The following CMBL variants were observed in gnomAD, a reference collection of about 807,000 sequenced individuals.
CMBL encodes the protein carboxymethylenebutenolidase homolog (Pseudomonas).
Under a neutral mutation model 28.7 loss-of-function variants are expected in CMBL, and 17 were observed. The observed-to-expected ratio is 0.59, with a 90% CI of 0.41 to 0.89. The LOEUF is 0.89. Ranked by LOEUF, CMBL falls within the 40% of genes least tolerant of loss-of-function variation. The pLI, the probability that CMBL is intolerant of heterozygous loss-of-function variation, is 0.00. For synonymous variants in CMBL, 106 were observed against 101.6 expected (o/e 1.04, Z -0.26); for missense variants, 310 against 298.5 (o/e 1.04, Z -0.28).
At chr5:10,306,429 CA>C (rs1386118209) in intron 1 of CMBL, among the ~76,000 whole-genome samples, 3 of 151,750 alleles carry the variant, frequency 2.0e-5, no homozygotes, top group African/African-American at 7.3e-5. Flanking sequence ...AAGGGAAGGC[CA>C]GGAGGGAGGG....
In CMBL at chr5:10,302,798, G is replaced by A. The variant is rs553973346; in HGVS notation, c.-20+4827C>T. 2.2e-3 allele frequency among the ~76,000 whole-genome samples: 334 copies of A among 152,312 alleles called. 3 individuals are homozygous for A. Among genetic ancestry groups the A allele is most frequent in the African/African-American group, 7.3e-3 (305 of 41,574 alleles). On this transcript the variant is annotated intron_variant, in intron 1 of 5. Transcript: ENST00000296658. ...TCCAAGGATATAGACAGCAGGCCCT[G>A]AAACAAATCAAGTATTTTACCCCAA...
rs1171664028 is a variant in CMBL at position 10,279,027 on chromosome 5, G to A, written c.*1426C>T. 6.6e-6 allele frequency among the ~76,000 whole-genome samples: 1 copy of A among 152,110 alleles called. No individual in the cohort carries two copies. Among genetic ancestry groups the A allele is most frequent in the Non-Finnish European group, 1.5e-5 (1 of 68,012 alleles). On this transcript the variant is annotated 3_prime_UTR_variant, in exon 6 of 6. Transcript: ENST00000296658. ...TGAGAAGGACGTCAAGACAAAATTAGGAAAAAAACTACAACATCAAGTCAC... is the reference window on the plus strand; with the variant it reads ...TGAGAAGGACGTCAAGACAAAATTAAGAAAAAAACTACAACATCAAGTCAC...
intron 5 of CMBL, 101 bp from the exon 6 acceptor site, chr5:10,280,733 T>A: frequency 9.7e-7 from 1 of 1,032,310 alleles, no homozygotes; most frequent in Non-Finnish European, 1.4e-6. Flanking sequence ...ATCAATGCTT[T>A]AAATCAGAAA....
At chr5:10,296,680 G>A (rs1381760191) in intron 1 of CMBL, among the ~76,000 whole-genome samples, 2 of 152,176 alleles carry the variant, frequency 1.3e-5, no homozygotes, top group Non-Finnish European at 2.9e-5. Context: ...AGCGAGTGAG[G>A]AATGAGCCTG....
chr5:10,290,202 C>T (rs1237703869), intron 2 of CMBL, among the ~76,000 whole-genome samples: 1 of 152,232 alleles, frequency 6.6e-6, no homozygotes, highest in Non-Finnish European at 1.5e-5. Flanking sequence ...TGTTGAAGGA[C>T]CGAGTCACGG....
intron 5 of CMBL, 118 bp downstream of exon 5, chr5:10,282,079 G>C: frequency 1.5e-6 from 1 of 685,600 alleles, no homozygotes; most frequent in Non-Finnish European, 2.6e-6. Flanking sequence ...AGAATGGCTT[G>C]AACCTGGGAG....
chr5:10,293,284 G>T (rs546368386), intron 1 of CMBL, among the ~76,000 whole-genome samples: 1 of 152,356 alleles, frequency 6.6e-6, no homozygotes, highest in East Asian at 1.9e-4. Flanking sequence ...AAATGCAGAG[G>T]TTTATTTCTT....
intron 1 of CMBL, among the ~76,000 whole-genome samples, chr5:10,301,511 G>A (rs1279264124): frequency 6.6e-6 from 1 of 151,528 alleles, no homozygotes; most frequent in Non-Finnish European, 1.5e-5. Flanking sequence ...GGGCGCGTGG[G>A]GCAGTGAGGG....
intron 2 of CMBL, among the ~76,000 whole-genome samples, chr5:10,290,040 G>C (rs1290720231): frequency 6.6e-6 from 1 of 152,192 alleles, no homozygotes; most frequent in African/African-American, 2.4e-5. Context: ...CAGACAAAGA[G>C]GTAAACTTGG....
At chr5:10,306,529 C>T (rs1747004372) in intron 1 of CMBL, among the ~76,000 whole-genome samples, 1 of 152,058 alleles carries the variant, frequency 6.6e-6, no homozygotes, top group Non-Finnish European at 1.5e-5. Context: ...GGAAGTGCAT[C>T]CAGGGCTCAG....
At chr5:10,283,559 A>G (rs1047672668) in intron 4 of CMBL, among the ~76,000 whole-genome samples, 6 of 152,248 alleles carry the variant, frequency 3.9e-5, no homozygotes, top group African/African-American at 1.4e-4. Context: ...GGGGTGGATC[A>G]CTTGAGGTCA....
intron 3 of CMBL, 101 bp downstream of exon 3, chr5:10,288,321 C>T (rs1055199670): frequency 4.6e-6 from 4 of 860,954 alleles, no homozygotes. Flanking sequence ...ATGGAGAAGT[C>T]CTACCCCAAG....
In CMBL at chr5:10,278,261, AAC is replaced by A. The variant is rs369921044; in HGVS notation, c.*2190_*2191del. Among the ~76,000 whole-genome samples, 592 of 152,320 alleles carry A rather than the reference AAC, an allele frequency of 3.9e-3. No homozygotes were observed. The highest frequency in any genetic ancestry group is 6.8e-3 in the Non-Finnish European group (461 of 68,038). ...TCTCATACTAGAAGCAGGGATTAGTAACACAGTTTCCAGTTATACAACTTCTC... is the reference window on the plus strand; with the variant it reads ...TCTCATACTAGAAGCAGGGATTAGTAACAGTTTCCAGTTATACAACTTCTC... On this transcript the variant is annotated 3_prime_UTR_variant, in exon 6 of 6. Coordinates refer to ENST00000296658, the MANE Select transcript of CMBL (RefSeq NM_138809.4).
At chr5:10,297,362 G>C (rs1210045594) in intron 1 of CMBL, among the ~76,000 whole-genome samples, 1 of 151,716 alleles carries the variant, frequency 6.6e-6, no homozygotes, top group Admixed American at 6.6e-5. Flanking sequence ...TTGAGGTCAG[G>C]AGTTCGACAC....
rs1279032894 is a variant in CMBL at position 10,290,678 on chromosome 5, G to C, written c.85C>G (p.His29Asp). The change falls in exon 2 of 6, where the codon CAC (histidine) becomes GAC (aspartate). Residue 29 changes from histidine to aspartate, a missense_variant. Coordinates refer to ENST00000296658, the MANE Select transcript of CMBL (RefSeq NM_138809.4). ...GGLGREVQVEHIKAYVTKSPV... is the reference protein window; with the variant it reads ...GGLGREVQVEDIKAYVTKSPV... The stretch of plus-strand genomic sequence containing the variant: ...GATTTGGTGACATAAGCCTTGATGT[G>C]CTCGACTTGAACTTCACGGCCTAGC... 12 of 1,614,158 alleles carry C rather than the reference G, an allele frequency of 7.4e-6. No individual in the cohort carries two copies. Among genetic ancestry groups the C allele is most frequent in the Non-Finnish European group, 9.3e-6 (11 of 1,180,030 alleles).
At position 10,306,160 on chromosome 5, in the gene CMBL, T is replaced by C. The variant is rs932280958; in HGVS notation, c.-20+1465A>G. ...GACAGGTAAGAGAGGTGATAAAGTA[T>C]GGTGAGGGTGTGGTTTTCCTGATTT... On this transcript the variant is annotated intron_variant, in intron 1 of 5. Transcript: ENST00000296658. Among the ~76,000 whole-genome samples, 4 of 152,296 alleles carry C rather than the reference T, an allele frequency of 2.6e-5. No individual in the cohort carries two copies. The South Asian group carries it at 6.2e-4, about 24-fold the overall frequency.
intron 1 of CMBL, among the ~76,000 whole-genome samples, chr5:10,299,603 C>T (rs1428126198): frequency 6.6e-6 from 1 of 151,816 alleles, no homozygotes; most frequent in Non-Finnish European, 1.5e-5. Context: ...CTTTGGGAGG[C>T]CAAGGCCGGG....
In CMBL at chr5:10,280,388, T is replaced by C; in HGVS notation, c.*65A>G. 8.7e-7 allele frequency: 1 copy of C among 1,155,176 alleles called. No homozygotes were observed. The highest frequency in any genetic ancestry group is 1.2e-6 in the Non-Finnish European group (1 of 828,216). The allele number at this position is 1,155,176 out of a possible 1,614,324, so 71.6% of individuals were successfully genotyped here. On this transcript the variant is annotated 3_prime_UTR_variant, in exon 6 of 6. Transcript: ENST00000296658. ...TAAAAGTGAAAATTAAATCAAATGATCTAACTATTTCCAAGCAAATTTTGG... is the reference window on the plus strand; with the variant it reads ...TAAAAGTGAAAATTAAATCAAATGACCTAACTATTTCCAAGCAAATTTTGG...
chr5:10,302,034 C>G (rs375503765), intron 1 of CMBL, among the ~76,000 whole-genome samples: 113 of 152,328 alleles, frequency 7.4e-4, no homozygotes, highest in African/African-American at 2.2e-3. Context: ...CTACAGGAGA[C>G]GCCCGTGTGT....
Sources: gnomAD v4.1 joint callset for allele counts (sites outside exome capture counted in the v4.1 genomes callset) on GRCh38, gnomAD v4.1.1 for gene constraint, MANE v1.5 for transcripts, NCBI Gene and HGNC (gene_info 2026-07-23, HGNC 2026-07-21) for gene names.